Variants in EEA1 observed in about 807,000 individuals in gnomAD.
EEA1 encodes early endosome antigen 1.
In EEA1, 111 loss-of-function variants were observed where a neutral mutation model predicts 209.2. The ratio of observed to expected loss-of-function variants is 0.53; its 90% CI spans 0.45 to 0.62. The LOEUF (loss-of-function observed/expected upper bound fraction) is 0.62, where lower values mean the gene tolerates loss of function less well. Ranked by LOEUF, EEA1 falls within the 20% of genes least tolerant of loss-of-function variation. The pLI is 0.00. For missense variants in EEA1, 1,343 were observed against 1,530.8 expected (o/e 0.88, Z 2.05); for synonymous variants, 536 against 540.6 (o/e 0.99, Z 0.12).
intron 13 of EEA1, among the ~76,000 whole-genome samples, chr12:92,825,353 C>G (rs1210181207): frequency 6.6e-6 from 1 of 151,734 alleles, no homozygotes; most frequent in African/African-American, 2.4e-5. Flanking sequence ...ACCCGGGAGG[C>G]TGAGGCAGGA....
intron 1 of EEA1, among the ~76,000 whole-genome samples, chr12:92,898,165 C>T (rs1446208714): frequency 6.6e-6 from 1 of 152,080 alleles, no homozygotes; most frequent in Non-Finnish European, 1.5e-5. Flanking sequence ...CAGAGAAATT[C>T]CCAAACTCTT....
intron 22 of EEA1, among the ~76,000 whole-genome samples, chr12:92,784,284 C>G (rs540708729): frequency 6.6e-6 from 1 of 152,182 alleles, no homozygotes; most frequent in African/African-American, 2.4e-5. Context: ...GCCAAATGCA[C>G]AGAAAAACAG....
chr12:92,777,548 G>A lies in EEA1; in HGVS notation c.4009C>T (p.Leu1337Phe). ...VQELGRENQS[L>F]QIKHTQALNR... ...CATATCCATAGGTGACTGACCTGAA[G>A]TGATTGGTTTTCTCTGCCCAGCTCC... The change falls in exon 27 of 29, where the codon CTT becomes TTT. Residue 1337 changes from leucine (L) to phenylalanine (F), a missense_variant. Physicochemically the swap from Leu to Phe is conservative, Grantham distance 22 (BLOSUM62 0). Coordinates refer to ENST00000322349, the MANE Select transcript of EEA1 (RefSeq NM_003566.4). 1 of 1,611,594 alleles carries A rather than the reference G, an allele frequency of 6.2e-7. No homozygotes were observed. Among genetic ancestry groups the A allele is most frequent in the Non-Finnish European group, 8.5e-7 (1 of 1,178,414 alleles).
chr12:92,774,987 T>C lies in EEA1; in HGVS notation c.*1024A>G, dbSNP rs1873594656. 2 of 151,650 alleles carry C rather than the reference T, an allele frequency of 1.3e-5. No homozygotes were observed. Among genetic ancestry groups the C allele is most frequent in the East Asian group, 1.9e-4 (1 of 5,202 alleles). 9.4% of individuals were successfully genotyped at this position (151,650 alleles called of 1,614,324 possible). ...TTACTAGCTTTAAGATGCAAAATTA[T>C]AAAACAAATACATGAAGCTGATCTA... On this transcript the variant is annotated 3_prime_UTR_variant, in exon 29 of 29. Coordinates refer to ENST00000322349, the MANE Select transcript of EEA1 (RefSeq NM_003566.4).
At chr12:92,809,609 G>A (rs1189007776) in intron 17 of EEA1, among the ~76,000 whole-genome samples, 2 of 150,852 alleles carry the variant, frequency 1.3e-5, no homozygotes, top group Non-Finnish European at 3.0e-5. Context: ...GCAGGAGAAC[G>A]GCTTGAACCT....
intron 1 of EEA1, among the ~76,000 whole-genome samples, chr12:92,923,452 G>A (rs917990770): frequency 1.3e-5 from 2 of 152,066 alleles, no homozygotes; most frequent in South Asian, 2.1e-4. Context: ...CCAGAAATAC[G>A]CACAATCCCC....
At position 92,813,073 on chromosome 12, in the gene EEA1, TA is replaced by T; in HGVS notation, c.1949del (p.Leu650HisfsTer34). 1 of 1,589,946 alleles carries T rather than the reference TA, an allele frequency of 6.3e-7. No individual in the cohort carries two copies. Among genetic ancestry groups the T allele is most frequent in the Non-Finnish European group, 8.6e-7 (1 of 1,163,770 alleles). On this transcript the variant is annotated frameshift_variant, in exon 16 of 29. Coordinates refer to ENST00000322349, the MANE Select transcript of EEA1 (RefSeq NM_003566.4). LOFTEE classifies it high-confidence loss of function. ...LDIQIKAKTE[L>X]LLSAEAAKTA... ...TTTTTGCTGCTTCTGCTGATAGTAA[TA>T]GTTCGGTTTTGGCTTTAATCTGTAA...
chr12:92,928,605 AC>A (rs549081602), intron 1 of EEA1, among the ~76,000 whole-genome samples: 64 of 152,190 alleles, frequency 4.2e-4, no homozygotes, highest in African/African-American at 1.5e-3. Flanking sequence ...ATTGGGGGGC[AC>A]GGGGAGTGCG....
At chr12:92,858,500 C>A (rs2136716343) in intron 3 of EEA1, 1 of 914,014 alleles carries the variant, frequency 1.1e-6, no homozygotes, top group Non-Finnish European at 1.8e-6. Context: ...TGATGTTTGG[C>A]TACGCCACTG....
In EEA1 at chr12:92,826,156, T is replaced by A. The variant is rs183310116; in HGVS notation, c.1524+10A>T. ...GTGTTTACAAGGCTAATAACGCAAC[T>A]AATGTTTACCTGAGCTTCTCGAAGT... is the stretch of plus-strand genomic sequence containing the variant. On this transcript the variant is annotated intron_variant, in intron 13 of 28. Coordinates refer to ENST00000322349, the MANE Select transcript of EEA1 (RefSeq NM_003566.4). 272 of 1,612,450 alleles carry A rather than the reference T, an allele frequency of 1.7e-4. 2 individuals are homozygous for A. In the East Asian group the frequency reaches 5.5e-3, roughly 33 times the overall value.
chr12:92,890,202 C>T (rs1457475170), intron 2 of EEA1, among the ~76,000 whole-genome samples: 1 of 151,782 alleles, frequency 6.6e-6, no homozygotes, highest in Non-Finnish European at 1.5e-5. Context: ...TCATATGAAT[C>T]ATATTGAACA....
rs1053924028 is a variant in EEA1, at chr12:92,772,322, A to C, written c.*3689T>G. 3 of 152,080 alleles carry C rather than the reference A, an allele frequency of 2.0e-5. No homozygotes were observed. 9.4% of individuals were successfully genotyped at this position (152,080 alleles called of 1,614,324 possible). On this transcript the variant is annotated 3_prime_UTR_variant, in exon 29 of 29. Coordinates refer to ENST00000322349, the MANE Select transcript of EEA1 (RefSeq NM_003566.4). ...AATATTAAATGGAATGTCTAAGGCA[A>C]AATGGCATTAATAATTTCTCTTGAG...
rs1024533348 is a variant in EEA1 at position 92,778,279 on chromosome 12, C to T, written c.3655-100G>A. ...TTAAAATACTGGCAATTTGCTTCTT[C>T]GGGAATGGAGGCAGGAGAACATATT... On this transcript the variant is annotated intron_variant, in intron 25 of 28. Coordinates refer to ENST00000322349, the MANE Select transcript of EEA1 (RefSeq NM_003566.4). The T allele has an allele frequency of 1.0e-5, 9 of 873,914 alleles. No homozygotes were observed. The South Asian group carries it at 1.4e-4, about 13-fold the overall frequency. The allele number at this position is 873,914 out of a possible 1,614,324, so 54.1% of individuals were successfully genotyped here.
chr12:92,800,042 G>C (rs1299735465), intron 20 of EEA1, among the ~76,000 whole-genome samples: 1 of 151,732 alleles, frequency 6.6e-6, no homozygotes, highest in African/African-American at 2.4e-5. Context: ...GGGCAACATG[G>C]TGAAGCCTGT....
intron 11 of EEA1, among the ~76,000 whole-genome samples, chr12:92,831,513 T>C (rs1876630404): frequency 6.7e-6 from 1 of 148,152 alleles, no homozygotes; most frequent in African/African-American, 2.5e-5. Flanking sequence ...ATGATATGAA[T>C]AATATATGAA....
At chr12:92,878,368 A>G (rs1037047002) in intron 2 of EEA1, among the ~76,000 whole-genome samples, 6 of 152,228 alleles carry the variant, frequency 3.9e-5, no homozygotes, top group Non-Finnish European at 8.8e-5. Flanking sequence ...TGTACTGAAT[A>G]TGGTGGATGA....
intron 2 of EEA1, among the ~76,000 whole-genome samples, chr12:92,870,762 T>C (rs1027175798): frequency 8.6e-5 from 13 of 151,976 alleles, no homozygotes; most frequent in Non-Finnish European, 1.5e-5. Context: ...CTACAACCCC[T>C]GCCTCCCATG....
At chr12:92,791,370 A>G (rs1171605671) in intron 21 of EEA1, among the ~76,000 whole-genome samples, 1 of 152,222 alleles carries the variant, frequency 6.6e-6, no homozygotes, top group Admixed American at 6.5e-5. Context: ...TGCTGTATTC[A>G]AGAGACCCAT....
chr12:92,928,942 G>A, intron 1 of EEA1, 101 bp downstream of exon 1: 1 of 1,312,702 alleles, frequency 7.6e-7, no homozygotes, highest in African/African-American at 1.5e-5. Flanking sequence ...TGGGGCCTAG[G>A]GAAGGAAGGA....
Sources: allele counts gnomAD v4.1 joint callset (sites outside exome capture counted in the v4.1 genomes callset), GRCh38; gene constraint gnomAD v4.1.1; transcripts MANE v1.5; gene names NCBI Gene and HGNC (gene_info 2026-07-23, HGNC 2026-07-21).